The following ATRNL1 variants were observed in gnomAD, a reference collection of about 807,000 sequenced individuals.
ATRNL1 encodes the protein attractin-like protein 1.
A neutral mutation model predicts 182.7 loss-of-function variants in ATRNL1; 95 were observed. That is an observed-to-expected ratio of 0.52 (90% CI 0.44 to 0.62). The LOEUF is 0.62. Ranked by LOEUF, ATRNL1 falls within the 20% of genes least tolerant of loss-of-function variation. ATRNL1 has a pLI of 0.00. For missense variants in ATRNL1, 1,471 were observed against 1,679.5 expected (o/e 0.88, Z 2.17); for synonymous variants, 576 against 568.3 (o/e 1.01, Z -0.19).
At chr10:115,444,797 TC>T (rs1846875634) in intron 21 of ATRNL1, among the ~76,000 whole-genome samples, 1 of 152,072 alleles carries the variant, frequency 6.6e-6, no homozygotes. Flanking sequence ...AGTGGTGCCA[TC>T]TTGGCTCATT....
At chr10:115,118,482 G>A (rs968385307) in intron 1 of ATRNL1, among the ~76,000 whole-genome samples, 30 of 152,046 alleles carry the variant, frequency 2.0e-4, no homozygotes, top group African/African-American at 6.5e-4. Flanking sequence ...ACCATAAGCC[G>A]ATTTTAAGAC....
intron 26 of ATRNL1, among the ~76,000 whole-genome samples, chr10:115,716,849 ATTTC>A (rs2134031994): frequency 6.6e-6 from 1 of 152,292 alleles, no homozygotes. Context: ...CAGGACAGGT[ATTTC>A]TTTCACAACT....
At chr10:115,542,634 T>C (rs1852424474) in intron 25 of ATRNL1, among the ~76,000 whole-genome samples, 1 of 152,228 alleles carries the variant, frequency 6.6e-6, no homozygotes, top group Non-Finnish European at 1.5e-5. Flanking sequence ...GCTAGGACCC[T>C]GATCAGACCA....
At chr10:115,930,662 T>G (rs1953368003) in intron 28 of ATRNL1, among the ~76,000 whole-genome samples, 1 of 152,202 alleles carries the variant, frequency 6.6e-6, no homozygotes, top group African/African-American at 2.4e-5. Context: ...TTTTTAAAGA[T>G]AACATTTTTT....
intron 17 of ATRNL1, among the ~76,000 whole-genome samples, chr10:115,308,425 G>A (rs190548287): frequency 2.3e-4 from 35 of 152,124 alleles, no homozygotes; most frequent in Middle Eastern, 7.0e-3. Context: ...ACAACTTGAG[G>A]ATAAGGTGTT....
intron 26 of ATRNL1, among the ~76,000 whole-genome samples, chr10:115,612,461 A>T (rs1207687348): frequency 2.6e-5 from 4 of 152,212 alleles, no homozygotes; most frequent in African/African-American, 9.6e-5. Context: ...AATCCAGGAT[A>T]TGTGGACTAT....
intron 21 of ATRNL1, among the ~76,000 whole-genome samples, chr10:115,443,185 A>AT (rs782223406): frequency 2.0e-5 from 3 of 151,836 alleles, no homozygotes; most frequent in Non-Finnish European, 4.4e-5. Context: ...AAATTTTTGC[A>AT]TTTTTTTGGT....
chr10:115,372,016 C>T (rs1857421341), intron 19 of ATRNL1, among the ~76,000 whole-genome samples: 1 of 152,166 alleles, frequency 6.6e-6, no homozygotes, highest in African/African-American at 2.4e-5. Flanking sequence ...TGCACAAGCT[C>T]TCTTCTTTTG....
intron 9 of ATRNL1, among the ~76,000 whole-genome samples, chr10:115,239,336 G>A (rs896879141): frequency 5.9e-5 from 9 of 151,844 alleles, no homozygotes; most frequent in East Asian, 1.9e-4. Flanking sequence ...GGGTTCAAGC[G>A]ATTCTCCTGC....
chr10:115,651,475 T>G (rs1859997583), intron 26 of ATRNL1, among the ~76,000 whole-genome samples: 1 of 152,192 alleles, frequency 6.6e-6, no homozygotes, highest in African/African-American at 2.4e-5. Context: ...CTTTTACTGC[T>G]TTCAAGATTT....
At chr10:115,133,572 G>A (rs1018975366) in intron 5 of ATRNL1, among the ~76,000 whole-genome samples, 19 of 152,034 alleles carry the variant, frequency 1.2e-4, no homozygotes, top group African/African-American at 4.3e-4. Context: ...CCCACAAAGA[G>A]ACTTAGACTC....
intron 17 of ATRNL1, 25 bp from the exon 18 acceptor site, chr10:115,315,493 A>G (rs1554929272): frequency 6.6e-7 from 1 of 1,520,270 alleles, no homozygotes; most frequent in Non-Finnish European, 9.1e-7. Context: ...ATGTTAACAT[A>G]TTTGTCAATG....
rs1953673642 is a variant in ATRNL1, at chr10:115,939,863, A to G, written c.4019-4795A>G. On this transcript the variant is annotated intron_variant, in intron 28 of 28. Coordinates refer to ENST00000355044, the MANE Select transcript of ATRNL1 (RefSeq NM_207303.4). ...AGACCTCTCACCAGGAAAAATTCTCAGGAAAGTCATGAGAAAGTGTGTGCC... is the reference window on the plus strand; with the variant it reads ...AGACCTCTCACCAGGAAAAATTCTCGGGAAAGTCATGAGAAAGTGTGTGCC... Among the ~76,000 whole-genome samples the G allele has an allele frequency of 2.6e-5, 4 of 152,304 alleles. No individual in the cohort carries two copies. In the South Asian group the frequency reaches 8.3e-4, roughly 32 times the overall value.
chr10:115,405,420 T>G lies in ATRNL1; in HGVS notation c.3269+10668T>G, dbSNP rs181987590. Among the ~76,000 whole-genome samples the G allele has an allele frequency of 6.5e-3, 992 of 152,334 alleles. 11 individuals are homozygous for G. The highest frequency in any genetic ancestry group is 0.023 in the African/African-American group (938 of 41,584). On this transcript the variant is annotated intron_variant, in intron 20 of 28. Transcript: ENST00000355044. ...GTGGCTATGTTGTATAGTTTAGCACTTCTGGTTTTATGGAAAAATGGTAAG... is the reference window on the plus strand; with the variant it reads ...GTGGCTATGTTGTATAGTTTAGCACGTCTGGTTTTATGGAAAAATGGTAAG...
At chr10:115,932,552 A>T (rs561940409) in intron 28 of ATRNL1, among the ~76,000 whole-genome samples, 8 of 152,210 alleles carry the variant, frequency 5.3e-5, no homozygotes, top group Non-Finnish European at 1.0e-4. Flanking sequence ...CTAAATGGCT[A>T]GAAGTGAGTG....
Position 115,266,949 on chromosome 10 carries a change from C to T in ATRNL1, c.1925C>T (p.Ser642Phe), listed in dbSNP as rs782681669. 19 of 1,612,024 alleles carry T rather than the reference C, an allele frequency of 1.2e-5. No individual in the cohort carries two copies. The highest frequency in any genetic ancestry group is 1.6e-5 in the Non-Finnish European group (19 of 1,178,742). ...KCVWNKNHCE[S>F]WESGNTNNIL... is the part of the protein sequence containing the mutation. ...GTTTGGAATAAAAATCACTGTGAAT[C>T]TTGGGAATCTGGGAATACTAATAAT... Residue 642 changes from serine (S) to phenylalanine (F), a missense_variant, in exon 12 of 29, where the codon TCT becomes TTT. Ser to Phe is a radical substitution (Grantham distance 155). Transcript: ENST00000355044.
chr10:115,168,559 A>G (rs1215661246), intron 7 of ATRNL1, among the ~76,000 whole-genome samples: 1 of 152,028 alleles, frequency 6.6e-6, no homozygotes, highest in African/African-American at 2.4e-5. Context: ...TTTCCCTGTT[A>G]ACTAATGATG....
At chr10:115,306,229 T>A (rs1554926114) in intron 17 of ATRNL1, among the ~76,000 whole-genome samples, 1 of 152,136 alleles carries the variant, frequency 6.6e-6, no homozygotes, top group Non-Finnish European at 1.5e-5. Flanking sequence ...AAATAAATTG[T>A]GACATAAACT....
rs182965734 is a variant in ATRNL1 at position 115,824,040 on chromosome 10, A to G, written c.3904-23837A>G. ...TGACTTCAAACTATACTACAAGGCT[A>G]CAGTAACCAAAACAGCATGATACTG... On this transcript the variant is annotated intron_variant, in intron 27 of 28. Transcript: ENST00000355044. Among the ~76,000 whole-genome samples the G allele has an allele frequency of 3.3e-3, 510 of 152,318 alleles. 3 individuals carry two copies. Among genetic ancestry groups the G allele is most frequent in the Middle Eastern group, 6.8e-3 (2 of 294 alleles).
Sources: gnomAD v4.1 joint callset for allele counts (sites outside exome capture counted in the v4.1 genomes callset) on GRCh38, gnomAD v4.1.1 for gene constraint, MANE v1.5 for transcripts, NCBI Gene and HGNC (gene_info 2026-07-23, HGNC 2026-07-21) for gene names.